Variants in PACS1 observed in about 807,000 individuals in gnomAD.
The protein encoded by PACS1 is PACS-1.
In PACS1, 24 loss-of-function variants were observed where a neutral mutation model predicts 115.0. The observed-to-expected ratio is 0.21, with a 90% confidence interval of 0.15 to 0.29. PACS1 has a LOEUF of 0.29. Among genes scored for constraint, PACS1 ranks in the 10% least tolerant of loss-of-function variants. The probability of loss-of-function intolerance (pLI) is 1.00; values close to 1 mark genes in which losing one functional copy is unlikely to be tolerated. For synonymous variants in PACS1, 453 were observed against 504.5 expected (o/e 0.90, Z 1.37); for missense variants, 838 against 1,251.2 (o/e 0.67, Z 4.98).
chr11:66,219,060 G>A (rs999847006), intron 7 of PACS1, among the ~76,000 whole-genome samples: 1 of 152,030 alleles, frequency 6.6e-6, no homozygotes, highest in African/African-American at 2.4e-5. Context: ...ACTTCTAGTC[G>A]GAGGGTAGCA....
chr11:66,222,567 C>T (rs1327997996), intron 10 of PACS1, among the ~76,000 whole-genome samples: 1 of 152,164 alleles, frequency 6.6e-6, no homozygotes, highest in Admixed American at 6.5e-5. Flanking sequence ...GAGTGCCCAG[C>T]TTAGGATTTG....
chr11:66,241,729 T>C, intron 22 of PACS1, 76 bp downstream of exon 22: 2 of 1,237,982 alleles, frequency 1.6e-6, no homozygotes, highest in Admixed American at 3.9e-5. Context: ...TGGGAATAAA[T>C]CTGCTTTTGG....
chr11:66,126,793 G>C (rs1858584373), intron 1 of PACS1, among the ~76,000 whole-genome samples: 1 of 152,048 alleles, frequency 6.6e-6, no homozygotes, highest in African/African-American at 2.4e-5. Context: ...GTGATTATTA[G>C]CATAATAAGT....
At chr11:66,097,068 A>G (rs1156571214) in intron 1 of PACS1, among the ~76,000 whole-genome samples, 1 of 152,040 alleles carries the variant, frequency 6.6e-6, no homozygotes. Context: ...GTGTATGTTT[A>G]AACTTTGTAA....
intron 1 of PACS1, among the ~76,000 whole-genome samples, chr11:66,114,261 A>G (rs1347316506): frequency 6.6e-6 from 1 of 152,110 alleles, no homozygotes; most frequent in Non-Finnish European, 1.5e-5. Context: ...TACTAAAAAT[A>G]CAAAAAATTA....
At chr11:66,222,422 C>T (rs903679960) in intron 10 of PACS1, among the ~76,000 whole-genome samples, 4 of 152,184 alleles carry the variant, frequency 2.6e-5, no homozygotes, top group South Asian at 4.1e-4. Flanking sequence ...GGCCTTGCTC[C>T]GCCCCTCCTA....
At chr11:66,196,450 C>T (rs1258818785) in intron 2 of PACS1, among the ~76,000 whole-genome samples, 4 of 152,072 alleles carry the variant, frequency 2.6e-5, no homozygotes, top group Non-Finnish European at 4.4e-5. Flanking sequence ...ACAGTAGCTG[C>T]TTTTTTCATG....
At chr11:66,172,974 CAAAA>C (rs10684950) in intron 1 of PACS1, among the ~76,000 whole-genome samples, 1 of 88,368 alleles carries the variant, frequency 1.1e-5, no homozygotes, top group South Asian at 4.1e-4. Context: ...GACTCTGTCT[CAAAA>C]AAAAAAAAAA....
intron 1 of PACS1, among the ~76,000 whole-genome samples, chr11:66,174,949 A>G (rs200058446): frequency 6.6e-6 from 1 of 152,148 alleles, no homozygotes; most frequent in Non-Finnish European, 1.5e-5. Context: ...TCAGGAGTTC[A>G]AGACCAGCCT....
At chr11:66,147,195 G>A (rs1859146106) in intron 1 of PACS1, among the ~76,000 whole-genome samples, 1 of 152,106 alleles carries the variant, frequency 6.6e-6, no homozygotes, top group Non-Finnish European at 1.5e-5. Context: ...GAAGGCAATG[G>A]AATGACATAT....
intron 1 of PACS1, among the ~76,000 whole-genome samples, chr11:66,122,865 G>T (rs1464061039): frequency 6.6e-6 from 1 of 152,288 alleles, no homozygotes; most frequent in South Asian, 2.1e-4. Flanking sequence ...AAATGATAAT[G>T]TATTACAATA....
chr11:66,223,440 G>T (rs1855402756), intron 10 of PACS1, among the ~76,000 whole-genome samples: 1 of 151,792 alleles, frequency 6.6e-6, no homozygotes, highest in South Asian at 2.1e-4. Flanking sequence ...CCCCAGGCTG[G>T]AGTGCAGTGT....
At chr11:66,146,092 A>T (rs995857955) in intron 1 of PACS1, among the ~76,000 whole-genome samples, 1 of 152,168 alleles carries the variant, frequency 6.6e-6, no homozygotes, top group Non-Finnish European at 1.5e-5. Flanking sequence ...TATTATGGTT[A>T]TGTCTGTAAG....
Position 66,235,469 on chromosome 11 carries a change from C to A in PACS1, c.2207+66C>A. The A allele has an allele frequency of 8.8e-7, 1 of 1,138,740 alleles. No individual in the cohort carries two copies. The allele number at this position is 1,138,740 out of a possible 1,614,324, so 70.5% of individuals were successfully genotyped here. The stretch of plus-strand genomic sequence containing the variant: ...TGGGTTAGAGGAATCTTGAGTCTTC[C>A]TTGCTTTCTCACATTTTCCTTCTCC... On this transcript the variant is annotated intron_variant, in intron 18 of 23. Transcript: ENST00000320580. The surrounding 1 kb of genome is among the most constrained non-coding windows in gnomAD (Gnocchi z 5.6).
At chr11:66,174,280 G>A (rs1034356860) in intron 1 of PACS1, among the ~76,000 whole-genome samples, 4 of 152,164 alleles carry the variant, frequency 2.6e-5, no homozygotes, top group Non-Finnish European at 5.9e-5. Flanking sequence ...AATAAATGGT[G>A]GTGAGGATAT....
chr11:66,239,519 C>CA (rs1029760928), intron 21 of PACS1, among the ~76,000 whole-genome samples: 18 of 150,488 alleles, frequency 1.2e-4, no homozygotes, highest in East Asian at 3.9e-4. Context: ...CCCTGTCTCT[C>CA]AAAAAAAAAC....
chr11:66,174,795 T>C (rs1859814901), intron 1 of PACS1, among the ~76,000 whole-genome samples: 1 of 152,124 alleles, frequency 6.6e-6, no homozygotes, highest in Non-Finnish European at 1.5e-5. Context: ...TAGTACTGTA[T>C]TGGGGTGATG....
chr11:66,113,322 C>T (rs746251607), intron 1 of PACS1, among the ~76,000 whole-genome samples: 1 of 152,148 alleles, frequency 6.6e-6, no homozygotes, highest in Non-Finnish European at 1.5e-5. Flanking sequence ...CTGACTCATC[C>T]CAGACGTACT....
intron 1 of PACS1, among the ~76,000 whole-genome samples, chr11:66,144,989 G>C (rs1859086732): frequency 6.6e-6 from 1 of 152,192 alleles, no homozygotes; most frequent in Non-Finnish European, 1.5e-5. Context: ...TTTATGTCAT[G>C]TGATGAGGTG....
Sources: allele counts gnomAD v4.1 joint callset (sites outside exome capture counted in the v4.1 genomes callset), GRCh38; gene constraint gnomAD v4.1.1; non-coding constraint Gnocchi (gnomAD v3.1); transcripts MANE v1.5; gene names NCBI Gene and HGNC (gene_info 2026-07-23, HGNC 2026-07-21).